Variants in MAT1A observed in about 807,000 individuals in gnomAD.
MAT1A encodes the protein methionine adenosyltransferase 1A.
MAT1A carries 19 observed loss-of-function variants against 44.0 expected under a neutral mutation model. The observed-to-expected ratio is 0.43, with a 90% CI of 0.30 to 0.63. The LOEUF (loss-of-function observed/expected upper bound fraction) is 0.63, where lower values mean the gene tolerates loss of function less well. MAT1A is among the 30% of genes least tolerant of loss of function. The pLI, the probability that MAT1A is intolerant of heterozygous loss-of-function variation, is 0.12. For synonymous variants in MAT1A, 205 were observed against 205.6 expected (o/e 1.00, Z 0.03); for missense variants, 397 against 531.0 (o/e 0.75, Z 2.48).
chr10:80,287,773 A>G (rs566909371), intron 1 of MAT1A, among the ~76,000 whole-genome samples: 1 of 152,364 alleles, frequency 6.6e-6, no homozygotes, highest in African/African-American at 2.4e-5. Flanking sequence ...GATACTTTAT[A>G]CAGTTATGCA....
At chr10:80,277,726 C>G (rs1369449403) in intron 5 of MAT1A, among the ~76,000 whole-genome samples, 2 of 152,134 alleles carry the variant, frequency 1.3e-5, no homozygotes, top group Non-Finnish European at 2.9e-5. Context: ...CTGGGTGACT[C>G]CACCCCCACC....
intron 3 of MAT1A, among the ~76,000 whole-genome samples, chr10:80,283,456 G>C (rs1428453891): frequency 6.6e-6 from 1 of 152,240 alleles, no homozygotes; most frequent in Non-Finnish European, 1.5e-5. Context: ...GGAAGCACAG[G>C]AGTCCTCAGC....
chr10:80,280,425 C>T (rs2132705951), intron 4 of MAT1A, 109 bp from the exon 5 acceptor site: 1 of 1,371,120 alleles, frequency 7.3e-7, no homozygotes, highest in East Asian at 2.4e-5. Flanking sequence ...GGTGCCTCCT[C>T]CATGGAGCTT....
intron 3 of MAT1A, among the ~76,000 whole-genome samples, chr10:80,281,107 G>T (rs1476379963): frequency 6.6e-6 from 1 of 152,086 alleles, no homozygotes; most frequent in African/African-American, 2.4e-5. Flanking sequence ...TGATGCCAAG[G>T]CTCCTCTGGC....
intron 1 of MAT1A, among the ~76,000 whole-genome samples, chr10:80,287,787 T>C (rs1414743459): frequency 6.6e-6 from 1 of 152,206 alleles, no homozygotes; most frequent in Non-Finnish European, 1.5e-5. Context: ...TTATGCACAA[T>C]GAAAGAGGCT....
rs543592937 is a variant in MAT1A, at chr10:80,271,976, T to G, written c.*1805A>C. 98 of 151,814 alleles carry G rather than the reference T, an allele frequency of 6.5e-4. No individual in the cohort carries two copies. The highest frequency in any genetic ancestry group is 2.3e-3 in the African/African-American group (97 of 41,378). The allele number at this position is 151,814 out of a possible 1,614,324, so 9.4% of individuals were successfully genotyped here. On this transcript the variant is annotated 3_prime_UTR_variant, in exon 9 of 9. Coordinates refer to ENST00000372213, the MANE Select transcript of MAT1A (RefSeq NM_000429.3). ...ATTTTCATGTCGAGTGTGAGCCAAG[T>G]TAGAGGAACTTGGCCACCTGCAAAC...
In MAT1A at chr10:80,279,523, T is replaced by C. The variant is rs564839194; in HGVS notation, c.549+650A>G. The stretch of plus-strand genomic sequence containing the variant: ...AACTTGGGAATCATGAGAGGGCTCA[T>C]TGGGGTTAAGCAGGGAGGGGATACA... On this transcript the variant is annotated intron_variant, in intron 5 of 8. Coordinates refer to ENST00000372213, the MANE Select transcript of MAT1A (RefSeq NM_000429.3). Among the ~76,000 whole-genome samples the C allele has an allele frequency of 3.3e-5, 5 of 151,928 alleles. No homozygotes were observed. The East Asian group carries it at 5.8e-4, about 18-fold the overall frequency.
chr10:80,273,945 C>G, intron 8 of MAT1A, 62 bp from the exon 9 acceptor site: 1 of 1,213,702 alleles, frequency 8.2e-7, no homozygotes, highest in Non-Finnish European at 1.2e-6. Context: ...TTTCTTTCTC[C>G]ATTTCAAGGA....
At chr10:80,277,084 A>G (rs533152433) in intron 5 of MAT1A, among the ~76,000 whole-genome samples, 1 of 152,288 alleles carries the variant, frequency 6.6e-6, no homozygotes, top group East Asian at 1.9e-4. Context: ...ATGGGCTGGT[A>G]GACAGGGCTC....
intron 3 of MAT1A, among the ~76,000 whole-genome samples, 189 bp downstream of exon 3, chr10:80,283,727 A>G (rs1841600673): frequency 6.6e-6 from 1 of 152,268 alleles, no homozygotes; most frequent in Admixed American, 6.5e-5. Context: ...CCCACTGGGC[A>G]TAGTCGCCTG....
At chr10:80,276,321 A>G in intron 6 of MAT1A, 55 bp downstream of exon 6, 2 of 1,573,862 alleles carry the variant, frequency 1.3e-6, no homozygotes, top group Non-Finnish European at 1.7e-6. Context: ...TCTGAGACAT[A>G]AGCAACCCCA....
chr10:80,289,362 G>A lies in MAT1A; in HGVS notation c.62C>T (p.Thr21Ile), dbSNP rs2132712126. 3 of 1,614,176 alleles carry A rather than the reference G, an allele frequency of 1.9e-6. No individual in the cohort carries two copies. In the South Asian group the frequency reaches 3.3e-5, roughly 18 times the overall value. ...HSLSEGVFMF[T>I]SESVGEGHPD... is the part of the protein sequence containing the mutation. ...GTGTCCCTCTCCCACAGACTCCGATGTGAACATGAAGACTCCTTCACTTAG... is the reference window on the plus strand; with the variant it reads ...GTGTCCCTCTCCCACAGACTCCGATATGAACATGAAGACTCCTTCACTTAG... The change falls in exon 1 of 9, where the codon ACA becomes ATA. Residue 21 changes from threonine (T) to isoleucine (I), a missense_variant. Thr to Ile is a moderately conservative substitution (Grantham distance 89). Transcript: ENST00000372213.
chr10:80,278,160 G>A (rs1310616530), intron 5 of MAT1A, among the ~76,000 whole-genome samples: 1 of 152,182 alleles, frequency 6.6e-6, no homozygotes, highest in East Asian at 1.9e-4. Context: ...CTGGCCCGCG[G>A]TCCTGCCTGT....
At chr10:80,287,644 C>A (rs1252154009) in intron 1 of MAT1A, among the ~76,000 whole-genome samples, 1 of 152,240 alleles carries the variant, frequency 6.6e-6, no homozygotes, top group Non-Finnish European at 1.5e-5. Flanking sequence ...AAAAAACCCA[C>A]TTCCTCCGGG....
intron 5 of MAT1A, among the ~76,000 whole-genome samples, chr10:80,279,658 C>T (rs761995157): frequency 6.6e-6 from 1 of 151,980 alleles, no homozygotes; most frequent in Non-Finnish European, 1.5e-5. Flanking sequence ...CAGGTCAGGG[C>T]CCATGGGTTT....
At chr10:80,275,297 A>G (rs1841471909) in intron 6 of MAT1A, 98 bp from the exon 7 acceptor site, 2 of 1,109,356 alleles carry the variant, frequency 1.8e-6, no homozygotes, top group Non-Finnish European at 2.7e-6. Flanking sequence ...CAACTCAGGA[A>G]GGATGTCCTG....
chr10:80,279,524 T>C (rs1841531689), intron 5 of MAT1A, among the ~76,000 whole-genome samples: 1 of 151,812 alleles, frequency 6.6e-6, no homozygotes, highest in East Asian at 1.9e-4. Flanking sequence ...GAGGGCTCAT[T>C]GGGGTTAAGC....
In MAT1A at chr10:80,285,642, T is replaced by C. The variant is rs1841640211; in HGVS notation, c.92-53A>G. 3.5e-5 allele frequency: 43 copies of C among 1,222,820 alleles called. No homozygotes were observed. In the South Asian group the frequency reaches 4.8e-4, roughly 14 times the overall value. The allele number at this position is 1,222,820 out of a possible 1,614,324, so 75.7% of individuals were successfully genotyped here. On this transcript the variant is annotated intron_variant, in intron 1 of 8. Coordinates refer to ENST00000372213, the MANE Select transcript of MAT1A (RefSeq NM_000429.3). The stretch of plus-strand genomic sequence containing the variant: ...TCACAAAAATATTCGGGATAACAAA[T>C]TGAAATCTTAAAATAATTAGATATC...
rs184358377 is a variant in MAT1A at position 80,283,932 on chromosome 10, G to A, written c.276C>T (p.Tyr92=). The A allele has an allele frequency of 2.4e-5, 38 of 1,614,132 alleles. No homozygotes were observed. Among genetic ancestry groups the A allele is most frequent in the South Asian group, 2.0e-4 (18 of 91,088 alleles). Residue 92 remains tyrosine, a synonymous_variant, in exon 3 of 9, where the codon TAC becomes TAT. Coordinates refer to ENST00000372213, the MANE Select transcript of MAT1A (RefSeq NM_000429.3). ...TGCCCTCACCCTTGGCTGAGTCATCGTAGCCGATGTGCTTGATGGTGTCCC... is the reference window on the plus strand; with the variant it reads ...TGCCCTCACCCTTGGCTGAGTCATCATAGCCGATGTGCTTGATGGTGTCCC... The part of the protein sequence containing the change: ...VVRDTIKHIG[Y]DDSAKGFDFK...
Sources: gnomAD v4.1 joint callset for allele counts (sites outside exome capture counted in the v4.1 genomes callset) on GRCh38, gnomAD v4.1.1 for gene constraint, MANE v1.5 for transcripts, NCBI Gene and HGNC (gene_info 2026-07-23, HGNC 2026-07-21) for gene names.